Variants in TLN2 observed in about 807,000 individuals in gnomAD.
The protein encoded by TLN2 is talin 2.
Under a neutral mutation model 294.7 loss-of-function variants are expected in TLN2, and 118 were observed. That is an observed-to-expected ratio of 0.40 (90% confidence interval 0.34 to 0.47). TLN2 has a LOEUF of 0.47. Among genes scored for constraint, TLN2 ranks in the 20% least tolerant of loss-of-function variants. TLN2 has a pLI of 0.84. For missense variants in TLN2, 3,083 were observed against 3,282.2 expected (o/e 0.94, Z 1.48); for synonymous variants, 1,431 against 1,304.5 (o/e 1.10, Z -2.09).
At chr15:62,541,810 A>T (rs1361658542) in intron 1 of TLN2, among the ~76,000 whole-genome samples, 2 of 152,138 alleles carry the variant, frequency 1.3e-5, no homozygotes, top group Non-Finnish European at 2.9e-5. Context: ...AGACATTATT[A>T]CATGGATATT....
At chr15:62,527,497 G>C (rs1262804444) in intron 1 of TLN2, among the ~76,000 whole-genome samples, 2 of 152,192 alleles carry the variant, frequency 1.3e-5, no homozygotes, top group Admixed American at 1.3e-4. Context: ...GGCCTCTCAC[G>C]TTGGTGACAG....
At chr15:62,824,078 A>T (rs770146157) in intron 54 of TLN2, 3 of 460,806 alleles carry the variant, frequency 6.5e-6, no homozygotes, top group South Asian at 4.9e-5. Flanking sequence ...TTATAAGGCA[A>T]CAGGAAAGAA....
At chr15:62,658,031 A>G (rs978436355) in intron 9 of TLN2, 133 bp downstream of exon 9, 5 of 914,198 alleles carry the variant, frequency 5.5e-6, no homozygotes, top group Non-Finnish European at 8.0e-6. Flanking sequence ...CTTTTCTTCC[A>G]TCGAGTAGAT....
At chr15:62,780,337 C>G (rs1052243788) in intron 43 of TLN2, among the ~76,000 whole-genome samples, 2 of 152,304 alleles carry the variant, frequency 1.3e-5, no homozygotes, top group East Asian at 1.9e-4. Flanking sequence ...TGGTCATTCT[C>G]TCCTCTTCCT....
At chr15:62,644,078 C>T (rs2051509009) in intron 3 of TLN2, among the ~76,000 whole-genome samples, 1 of 152,072 alleles carries the variant, frequency 6.6e-6, no homozygotes, top group Admixed American at 6.5e-5. Flanking sequence ...GCTCAGGAGA[C>T]AAGTCTATAC....
chr15:62,662,036 G>A (rs2053905267), intron 9 of TLN2, among the ~76,000 whole-genome samples: 1 of 152,022 alleles, frequency 6.6e-6, no homozygotes, highest in African/African-American at 2.4e-5. Flanking sequence ...ACTTCCCTCA[G>A]TGAATGATTA....
At chr15:62,479,496 A>T (rs1454862544) in intron 1 of TLN2, among the ~76,000 whole-genome samples, 1 of 151,566 alleles carries the variant, frequency 6.6e-6, no homozygotes, top group Non-Finnish European at 1.5e-5. Context: ...TTTTTTTTTG[A>T]GACAGAGTCT....
chr15:62,643,480 T>G (rs2051418379), intron 3 of TLN2, among the ~76,000 whole-genome samples: 1 of 140,318 alleles, frequency 7.1e-6, no homozygotes, highest in Non-Finnish European at 1.5e-5. Flanking sequence ...GCAATAGTTG[T>G]TTTTGGGTGA....
chr15:62,747,833 A>G (rs985398020), intron 32 of TLN2, among the ~76,000 whole-genome samples: 1 of 152,226 alleles, frequency 6.6e-6, no homozygotes. Context: ...TATGTACTGT[A>G]TTCCCATGAT....
chr15:62,541,005 G>A (rs1268434729), intron 1 of TLN2, among the ~76,000 whole-genome samples: 2 of 152,158 alleles, frequency 1.3e-5, no homozygotes, highest in African/African-American at 2.4e-5. Context: ...CCCAGGTCAG[G>A]TGAGAGTCAT....
intron 1 of TLN2, among the ~76,000 whole-genome samples, chr15:62,480,759 C>CT (rs1013948465): frequency 2.0e-5 from 3 of 152,118 alleles, no homozygotes; most frequent in Non-Finnish European, 4.4e-5. Flanking sequence ...CCGGGATGTA[C>CT]TTTTTTTCTT....
rs1567688116 is a variant in TLN2 at position 62,825,843 on chromosome 15, A to AT, written c.7002+5234dup. Among the ~76,000 whole-genome samples, 29 of 82,086 alleles carry AT rather than the reference A, an allele frequency of 3.5e-4. 2 individuals carry two copies. The highest frequency in any genetic ancestry group is 1.6e-3 in the African/African-American group (27 of 16,652). 53.9% of individuals were successfully genotyped at this position (82,086 alleles called of 152,430 possible). On this transcript the variant is annotated intron_variant, in intron 54 of 58. Transcript: ENST00000636159. ...ATATATATTATAATATATAATATAT[A>AT]TAAATATATTATATATATATATATT...
At chr15:62,480,762 T>C (rs1232973369) in intron 1 of TLN2, among the ~76,000 whole-genome samples, 3 of 152,178 alleles carry the variant, frequency 2.0e-5, no homozygotes, top group Non-Finnish European at 4.4e-5. Context: ...GGATGTACTT[T>C]TTTTCTTTTT....
chr15:62,635,238 C>T (rs1329763594), intron 3 of TLN2, among the ~76,000 whole-genome samples: 1 of 151,106 alleles, frequency 6.6e-6, no homozygotes, highest in African/African-American at 2.4e-5. Context: ...ATTCCTTTAA[C>T]AAAAGGAAAA....
intron 2 of TLN2, among the ~76,000 whole-genome samples, chr15:62,596,264 CAAAAA>C (rs71129015): frequency 2.9e-4 from 24 of 81,676 alleles, no homozygotes; most frequent in African/African-American, 9.5e-4. Context: ...GACTCCATCT[CAAAAA>C]AAAAAAAAAA....
chr15:62,647,134 C>T, intron 3 of TLN2, 141 bp from the exon 4 acceptor site: 3 of 803,538 alleles, frequency 3.7e-6, no homozygotes, highest in East Asian at 2.8e-5. Context: ...TGTTTTGTAC[C>T]TAAAGTGTAC....
chr15:62,661,277 A>G (rs1185720657), intron 9 of TLN2, among the ~76,000 whole-genome samples: 1 of 152,158 alleles, frequency 6.6e-6, no homozygotes, highest in Non-Finnish European at 1.5e-5. Flanking sequence ...ATGTTAGTAC[A>G]CTATTTTTTC....
intron 1 of TLN2, among the ~76,000 whole-genome samples, chr15:62,563,869 G>A (rs2043176078): frequency 6.6e-6 from 1 of 152,132 alleles, no homozygotes; most frequent in Non-Finnish European, 1.5e-5. Context: ...TGTGCATCAC[G>A]TTTTATTGTA....
At chr15:62,650,027 T>A (rs2052405728) in intron 4 of TLN2, 57 bp from the exon 5 acceptor site, 1 of 1,553,352 alleles carries the variant, frequency 6.4e-7, no homozygotes, top group East Asian at 2.2e-5. Context: ...GGCCTGGAAG[T>A]CAGTGATGGC....
Sources: gnomAD v4.1 joint callset for allele counts (sites outside exome capture counted in the v4.1 genomes callset) on GRCh38, gnomAD v4.1.1 for gene constraint, MANE v1.5 for transcripts, NCBI Gene and HGNC (gene_info 2026-07-23, HGNC 2026-07-21) for gene names.